Variants in MMS22L observed in about 807,000 individuals in gnomAD.
The protein encoded by MMS22L is protein MMS22-like.
MMS22L carries 74 observed loss-of-function variants against 159.1 expected under a neutral mutation model. The observed-to-expected ratio is 0.47, with a 90% CI of 0.39 to 0.56. MMS22L has a LOEUF of 0.56. Ranked by LOEUF, MMS22L falls within the 20% of genes least tolerant of loss-of-function variation. MMS22L has a pLI of 0.00. For missense variants in MMS22L, 1,351 were observed against 1,422.1 expected (o/e 0.95, Z 0.80); for synonymous variants, 517 against 506.9 (o/e 1.02, Z -0.27).
intron 15 of MMS22L, among the ~76,000 whole-genome samples, chr6:97,186,161 TA>T (rs1413796780): frequency 9.8e-5 from 15 of 152,296 alleles, no homozygotes; most frequent in Admixed American, 4.6e-4. Context: ...AACTTCATCT[TA>T]TACCTATGTA....
intron 9 of MMS22L, chr6:97,262,069 T>A (rs1459077324): frequency 2.0e-5 from 3 of 152,076 alleles, no homozygotes; most frequent in South Asian, 4.1e-4. Flanking sequence ...TCTAGTTGAG[T>A]TTCTACTTCA....
Position 97,173,068 on chromosome 6 carries a change from A to G in MMS22L, c.2834T>C (p.Met945Thr). ...FSAGLQLTYGMMGILVKSWAQ... is the reference protein window; with the variant it reads ...FSAGLQLTYGTMGILVKSWAQ... ...ATAATGCCAGGAATACATACCCATC[A>G]TTCCATAAGTCAGCTGCAGCCCTGC... The change falls in exon 19 of 25, where the codon ATG becomes ACG. Residue 945 changes from methionine (M) to threonine (T), a missense_variant. Transcript: ENST00000683635. 5 of 1,608,978 alleles carry G rather than the reference A, an allele frequency of 3.1e-6. No homozygotes were observed. The highest frequency in any genetic ancestry group is 4.2e-6 in the Non-Finnish European group (5 of 1,178,594).
At chr6:97,281,526 T>A (rs988289625) in intron 2 of MMS22L, among the ~76,000 whole-genome samples, 164 bp from the exon 3 acceptor site, 1 of 152,194 alleles carries the variant, frequency 6.6e-6, no homozygotes, top group Non-Finnish European at 1.5e-5. Context: ...CTAGACTGTA[T>A]TAAAACGTCA....
intron 8 of MMS22L, chr6:97,264,659 C>A (rs1217944121): frequency 6.6e-6 from 1 of 151,968 alleles, no homozygotes; most frequent in African/African-American, 2.4e-5. Flanking sequence ...CTAAAGACAT[C>A]ACCAAAAATT....
In MMS22L at chr6:97,254,587, C is replaced by G; in HGVS notation, c.1089G>C (p.Lys363Asn). Reference protein sequence around the residue: ...WIITHVASFYKFDRHGVPDEM... With the variant: ...WIITHVASFYNFDRHGVPDEM... ...CATCTGGTACTCCATGGCGATCAAA[C>G]TTGTAAAATGATGCTACATGAGTAA... Residue 363 changes from lysine (K) to asparagine (N), a missense_variant, in exon 10 of 25, where the codon AAG becomes AAC. Coordinates refer to ENST00000683635, the MANE Select transcript of MMS22L (RefSeq NM_001350599.2). The G allele has an allele frequency of 6.2e-7, 1 of 1,613,454 alleles. No individual in the cohort carries two copies. The highest frequency in any genetic ancestry group is 1.3e-5 in the African/African-American group (1 of 75,010).
At chr6:97,178,138 C>A (rs569607100) in intron 18 of MMS22L, among the ~76,000 whole-genome samples, 1 of 152,098 alleles carries the variant, frequency 6.6e-6, no homozygotes, top group African/African-American at 2.4e-5. Context: ...CTGAACAATG[C>A]GGTTGTCCAG....
intron 11 of MMS22L, among the ~76,000 whole-genome samples, chr6:97,237,661 T>C (rs1420411177): frequency 2.0e-5 from 3 of 152,142 alleles, no homozygotes; most frequent in Non-Finnish European, 4.4e-5. Context: ...AAAACTGAGA[T>C]CTGGGTTCTG....
chr6:97,144,588 G>A lies in MMS22L; in HGVS notation c.*2218C>T, dbSNP rs116478381. ...ACTCAGATTTGACCAAAAGACAATG[G>A]CTTGTATTACACTGGTAGAAGCAGC... On this transcript the variant is annotated 3_prime_UTR_variant, in exon 25 of 25. Coordinates refer to ENST00000683635, the MANE Select transcript of MMS22L (RefSeq NM_001350599.2). The A allele has an allele frequency of 6.6e-6, 1 of 152,264 alleles. No individual in the cohort carries two copies. The highest frequency in any genetic ancestry group is 2.4e-5 in the African/African-American group (1 of 41,552). The allele number at this position is 152,264 out of a possible 1,614,324, so 9.4% of individuals were successfully genotyped here.
At chr6:97,172,431 A>C (rs1287889315) in intron 19 of MMS22L, among the ~76,000 whole-genome samples, 1 of 152,166 alleles carries the variant, frequency 6.6e-6, no homozygotes, top group Non-Finnish European at 1.5e-5. Context: ...ATTCTATATA[A>C]AAACTTCTAA....
At chr6:97,208,752 T>C (rs1485230731) in intron 14 of MMS22L, among the ~76,000 whole-genome samples, 2 of 151,994 alleles carry the variant, frequency 1.3e-5, no homozygotes, top group African/African-American at 4.8e-5. Flanking sequence ...CACACCCCTC[T>C]ACTTAAAACC....
chr6:97,225,407 G>A (rs1162510969), intron 14 of MMS22L, among the ~76,000 whole-genome samples: 1 of 151,238 alleles, frequency 6.6e-6, no homozygotes, highest in African/African-American at 2.4e-5. Flanking sequence ...GAGTCGTGCA[G>A]TGGCGTGATC....
chr6:97,229,741 G>T (rs756683125), intron 13 of MMS22L, among the ~76,000 whole-genome samples: 34 of 152,078 alleles, frequency 2.2e-4, no homozygotes, highest in Non-Finnish European at 4.3e-4. Flanking sequence ...AAATAAGAAA[G>T]AATATATAAT....
At chr6:97,183,262 T>A (rs543593612) in intron 15 of MMS22L, among the ~76,000 whole-genome samples, 1 of 152,276 alleles carries the variant, frequency 6.6e-6, no homozygotes, top group Admixed American at 6.5e-5. Flanking sequence ...GCCTTCCCTG[T>A]CCCTTTTTAG....
At chr6:97,151,996 T>C in intron 22 of MMS22L, 129 bp from the exon 23 acceptor site, 1 of 618,804 alleles carries the variant, frequency 1.6e-6, no homozygotes, top group Non-Finnish European at 2.7e-6. Context: ...TTTCTATTTT[T>C]CAAAATGAAA....
intron 14 of MMS22L, among the ~76,000 whole-genome samples, chr6:97,211,089 C>T (rs1050619098): frequency 6.6e-6 from 1 of 151,934 alleles, no homozygotes; most frequent in East Asian, 1.9e-4. Context: ...TAGCACAGTT[C>T]TGGGACACAG....
chr6:97,165,465 GAAAAAAAGTAAGAAATACTAAGAGGT>G lies in MMS22L; in HGVS notation c.3010-34_3010-9del. 6.2e-7 allele frequency: 1 copy of G among 1,603,684 alleles called. No individual in the cohort carries two copies. The highest frequency in any genetic ancestry group is 8.5e-7 in the Non-Finnish European group (1 of 1,175,488). ...ACACACGATACACATGCCCTACAAG[GAAAAAAAGTAAGAAATACTAAGAGGT>G]AAAGTTTCAAAGAACAAACAATATT... On this transcript the variant is annotated splice_polypyrimidine_tract_variant and intron_variant, in intron 20 of 24. Coordinates refer to ENST00000683635, the MANE Select transcript of MMS22L (RefSeq NM_001350599.2).
chr6:97,224,795 A>T (rs1450912642), intron 14 of MMS22L, among the ~76,000 whole-genome samples: 1 of 151,918 alleles, frequency 6.6e-6, no homozygotes, highest in African/African-American at 2.4e-5. Context: ...AAACTTATAA[A>T]GACTGTATAA....
intron 6 of MMS22L, chr6:97,270,558 G>A: frequency 9.6e-6 from 2 of 207,384 alleles, no homozygotes; most frequent in Non-Finnish European, 1.0e-5. Context: ...TGTTATACTG[G>A]GTTATCAATA....
intron 4 of MMS22L, 73 bp downstream of exon 4, chr6:97,278,776 C>A: frequency 8.4e-7 from 1 of 1,194,596 alleles, no homozygotes. Flanking sequence ...CCAATTATAC[C>A]ATCATGGACC....
Sources: allele counts gnomAD v4.1 joint callset (sites outside exome capture counted in the v4.1 genomes callset), GRCh38; gene constraint gnomAD v4.1.1; transcripts MANE v1.5; gene names NCBI Gene and HGNC (gene_info 2026-07-23, HGNC 2026-07-21).